Variants in BAZ1A observed in about 807,000 individuals in gnomAD.
BAZ1A encodes the protein bromodomain adjacent to zinc finger domain protein 1A.
A neutral mutation model predicts 185.2 loss-of-function variants in BAZ1A; 50 were observed. The ratio of observed to expected loss-of-function variants is 0.27; its 90% CI spans 0.22 to 0.34. The LOEUF (loss-of-function observed/expected upper bound fraction) is 0.34. Ranked by LOEUF, BAZ1A falls within the 10% of genes least tolerant of loss-of-function variation. BAZ1A has a pLI of 1.00. For synonymous variants in BAZ1A, 571 were observed against 615.6 expected (o/e 0.93, Z 1.07); for missense variants, 1,356 against 1,839.9 (o/e 0.74, Z 4.81).
intron 3 of BAZ1A, among the ~76,000 whole-genome samples, chr14:34,847,018 A>G (rs1283620045): frequency 6.6e-6 from 1 of 152,204 alleles, no homozygotes; most frequent in Non-Finnish European, 1.5e-5. Context: ...TGGGAGGCTG[A>G]AGTGGGTGTA....
rs1216634128 is a variant in BAZ1A, at chr14:34,795,635, CTATGTGTGCTAAACATCACA to C, written c.1224+15_1224+34del. The C allele has an allele frequency of 1.4e-6, 2 of 1,438,650 alleles. No individual in the cohort carries two copies. Among genetic ancestry groups the C allele is most frequent in the Admixed American group, 4.2e-5 (2 of 47,834 alleles). The allele number at this position is 1,438,650 out of a possible 1,614,324, so 89.1% of individuals were successfully genotyped here. Reference sequence around the variant, plus strand: ...CAAAGCCACATAGGACATGTAAAACCTATGTGTGCTAAACATCACATAACATGTTTATACCTTAAGGTCAT... The same window carrying C: ...CAAAGCCACATAGGACATGTAAAACCTAACATGTTTATACCTTAAGGTCAT... On this transcript the variant is annotated intron_variant, in intron 10 of 26. Transcript: ENST00000360310.
At chr14:34,759,198 T>TTTTTTTTTTTTTTTTTGTTG (rs1886416818) in intron 24 of BAZ1A, among the ~76,000 whole-genome samples, 1 of 99,748 alleles carries the variant, frequency 1.0e-5, no homozygotes. Flanking sequence ...TTTTTTTTTT[T>TTTTTTTTTTTTTTTTTGTTG]GAGATGGAGT....
chr14:34,807,768 C>T (rs2041867833), intron 5 of BAZ1A, among the ~76,000 whole-genome samples: 1 of 152,148 alleles, frequency 6.6e-6, no homozygotes, highest in Admixed American at 6.6e-5. Flanking sequence ...AAGTCTATTA[C>T]AAAAACAGCA....
At chr14:34,847,106 C>T (rs1223407215) in intron 3 of BAZ1A, among the ~76,000 whole-genome samples, 1 of 151,998 alleles carries the variant, frequency 6.6e-6, no homozygotes, top group African/African-American at 2.4e-5. Flanking sequence ...CGAAAATTGG[C>T]TGGACACGGT....
At chr14:34,863,996 T>C (rs989649879) in intron 2 of BAZ1A, among the ~76,000 whole-genome samples, 1 of 151,666 alleles carries the variant, frequency 6.6e-6, no homozygotes, top group African/African-American at 2.4e-5. Flanking sequence ...CCTAATTTTT[T>C]TGAGAGTGTA....
At chr14:34,786,375 T>C (rs1880439113) in intron 12 of BAZ1A, 154 bp from the exon 13 acceptor site, 1 of 617,092 alleles carries the variant, frequency 1.6e-6, no homozygotes, top group Non-Finnish European at 2.8e-6. Context: ...CACATTCTGC[T>C]TCATCACCAC....
chr14:34,838,433 T>C (rs1197553743), intron 3 of BAZ1A, among the ~76,000 whole-genome samples: 1 of 152,162 alleles, frequency 6.6e-6, no homozygotes, highest in Non-Finnish European at 1.5e-5. Flanking sequence ...CCTGTAGAAA[T>C]GTTCTGTATT....
chr14:34,860,840 G>C (rs189738452), intron 3 of BAZ1A, among the ~76,000 whole-genome samples: 36 of 152,170 alleles, frequency 2.4e-4, no homozygotes, highest in African/African-American at 8.7e-4. Context: ...GGAGGTTACA[G>C]TGAACCGAGA....
intron 25 of BAZ1A, among the ~76,000 whole-genome samples, chr14:34,757,742 C>CT (rs1195155525): frequency 0.015 from 1,872 of 126,316 alleles, 49 homozygotes; most frequent in African/African-American, 0.045. Context: ...CTATTGTTTT[C>CT]TTTTTTTTTT....
chr14:34,849,215 A>G (rs1427830416), intron 3 of BAZ1A, among the ~76,000 whole-genome samples: 5 of 152,196 alleles, frequency 3.3e-5, no homozygotes, highest in African/African-American at 1.2e-4. Context: ...GCTTGAGCCT[A>G]GAAGTTCAAA....
chr14:34,780,923 A>T (rs1464411596), intron 16 of BAZ1A, among the ~76,000 whole-genome samples: 1 of 152,214 alleles, frequency 6.6e-6, no homozygotes, highest in East Asian at 1.9e-4. Context: ...TAATAATAGT[A>T]ACAGATCAGT....
At chr14:34,857,092 C>T (rs1374764025) in intron 3 of BAZ1A, among the ~76,000 whole-genome samples, 4 of 150,102 alleles carry the variant, frequency 2.7e-5, no homozygotes, top group African/African-American at 7.4e-5. Flanking sequence ...CTGCAAGCTC[C>T]GCCTCCCAGG....
At chr14:34,784,249 T>TC (rs757560975) in intron 14 of BAZ1A, among the ~76,000 whole-genome samples, 2 of 150,814 alleles carry the variant, frequency 1.3e-5, no homozygotes, top group Non-Finnish European at 2.9e-5. Context: ...GTGCCTGTAG[T>TC]CCCAGCTGCT....
intron 6 of BAZ1A, among the ~76,000 whole-genome samples, chr14:34,804,417 A>C (rs1007419374): frequency 2.6e-5 from 4 of 152,218 alleles, no homozygotes; most frequent in Non-Finnish European, 2.9e-5. Flanking sequence ...AGTGCCATTT[A>C]CTGAAATACC....
At chr14:34,806,618 A>G (rs1881868808) in intron 6 of BAZ1A, among the ~76,000 whole-genome samples, 1 of 152,148 alleles carries the variant, frequency 6.6e-6, no homozygotes, top group South Asian at 2.1e-4. Flanking sequence ...TTTGAGTTTT[A>G]CCATTTAACT....
At position 34,785,926 on chromosome 14, in the gene BAZ1A, C is replaced by T. The variant is rs750698366; in HGVS notation, c.1682G>A (p.Gly561Asp). The T allele has an allele frequency of 6.2e-7, 1 of 1,614,082 alleles. No individual in the cohort carries two copies. Among genetic ancestry groups the T allele is most frequent in the South Asian group, 1.1e-5 (1 of 91,088 alleles). ...EILRLHILAS[G>D]ADVTSANAKY... ...TGCATTTGCTGATGTTACATCAGCA[C>T]CTGAAGCTAAGATGTGCAGTCTGAG... Residue 561 changes from glycine (G) to aspartate (D), a missense_variant, in exon 14 of 27, where the codon GGT becomes GAT. Around this residue, in one of 7 missense-constraint regions of BAZ1A, gnomAD observed 184 missense variants for 355.1 expected, o/e 0.52. Transcript: ENST00000360310.
At chr14:34,847,957 T>C (rs1341880582) in intron 3 of BAZ1A, among the ~76,000 whole-genome samples, 5 of 152,132 alleles carry the variant, frequency 3.3e-5, no homozygotes, top group African/African-American at 1.2e-4. Flanking sequence ...CTTCCTGGGC[T>C]CTAGCAATCT....
chr14:34,768,202 A>G (rs1024688264), intron 21 of BAZ1A, among the ~76,000 whole-genome samples: 12 of 152,174 alleles, frequency 7.9e-5, no homozygotes, highest in African/African-American at 2.7e-4. Context: ...AATATAAAAT[A>G]CTGGCAGTCA....
intron 25 of BAZ1A, among the ~76,000 whole-genome samples, chr14:34,757,379 A>C (rs1265420077): frequency 6.7e-6 from 1 of 148,930 alleles, no homozygotes; most frequent in Non-Finnish European, 1.5e-5. Context: ...AAAAAAAAAA[A>C]AAAGGCTGGG....
Sources: allele counts gnomAD v4.1 joint callset (sites outside exome capture counted in the v4.1 genomes callset), GRCh38; gene constraint gnomAD v4.1.1; regional missense constraint gnomAD v4.1.1; transcripts MANE v1.5; gene names NCBI Gene and HGNC (gene_info 2026-07-23, HGNC 2026-07-21).